Variants in PRKD2 observed in about 807,000 individuals in gnomAD.
PRKD2 encodes the protein serine/threonine-protein kinase D2.
Under a neutral mutation model 86.0 loss-of-function variants are expected in PRKD2, and 22 were observed. That is an observed-to-expected ratio of 0.26 (90% confidence interval 0.18 to 0.37). The LOEUF (loss-of-function observed/expected upper bound fraction) is 0.37, where lower values mean the gene tolerates loss of function less well. Among genes scored for constraint, PRKD2 ranks in the 10% least tolerant of loss-of-function variants. The probability of loss-of-function intolerance (pLI) is 1.00; values close to 1 mark genes in which losing one functional copy is unlikely to be tolerated. For missense variants in PRKD2, 818 were observed against 1,199.2 expected (o/e 0.68, Z 4.70); for synonymous variants, 509 against 510.9 (o/e 1.00, Z 0.05).
chr19:46,705,676 A>G (rs2053704247), intron 3 of PRKD2, among the ~76,000 whole-genome samples: 1 of 151,734 alleles, frequency 6.6e-6, no homozygotes, highest in South Asian at 2.1e-4. Context: ...AATCCCAGCT[A>G]CTCCGGAGGC....
chr19:46,697,084 G>C, intron 9 of PRKD2, 73 bp downstream of exon 9: 1 of 1,188,814 alleles, frequency 8.4e-7, no homozygotes, highest in Non-Finnish European at 1.3e-6. Flanking sequence ...GAGTAACTGG[G>C]GGTAGGAGGA....
Position 46,693,463 on chromosome 19 carries a change from T to C in PRKD2, c.1576+412A>G, listed in dbSNP as rs1177177536. On this transcript the variant is annotated intron_variant, in intron 10 of 17. Transcript: ENST00000291281. This position sits in a 1 kb window ranked among gnomAD's most constrained non-coding sequence, Gnocchi z 4.5. ...TTTGTTGTTGTTGTTTTTTCTGTTT[T>C]GGAGACAGAGTCTTGCTCTGTCACC... Among the ~76,000 whole-genome samples, 1 of 152,180 alleles carries C rather than the reference T, an allele frequency of 6.6e-6. No individual in the cohort carries two copies. The highest frequency in any genetic ancestry group is 1.9e-4 in the East Asian group (1 of 5,194).
intron 3 of PRKD2, 122 bp downstream of exon 3, chr19:46,710,785 C>T (rs2053794427): frequency 9.1e-7 from 1 of 1,102,574 alleles, no homozygotes; most frequent in Non-Finnish European, 1.3e-6. Flanking sequence ...ACTTCCTAGG[C>T]TGCGCCCCCA....
Position 46,716,762 on chromosome 19 carries a change from T to G in PRKD2, c.-392A>C. 1 of 158,426 alleles carries G rather than the reference T, an allele frequency of 6.3e-6. No individual in the cohort carries two copies. The highest frequency in any genetic ancestry group is 1.4e-5 in the Non-Finnish European group (1 of 72,724). The allele number at this position is 158,426 out of a possible 1,614,324, so 9.8% of individuals were successfully genotyped here. A position where few individuals can be genotyped will look rare whatever the true frequency, so the allele number is the denominator to read the frequency against. On this transcript the variant is annotated 5_prime_UTR_variant, in exon 1 of 18. Coordinates refer to ENST00000291281, the MANE Select transcript of PRKD2 (RefSeq NM_016457.5). This position sits in a 1 kb window ranked among gnomAD's most constrained non-coding sequence, Gnocchi z 7.9. Reference sequence around the variant, plus strand: ...GAAGGGGGCAGAGGGAATCCCAGGATCCAGTGCTCCAAGAAGAGGATCCCA... The same window carrying G: ...GAAGGGGGCAGAGGGAATCCCAGGAGCCAGTGCTCCAAGAAGAGGATCCCA...
intron 3 of PRKD2, 120 bp from the exon 4 acceptor site, chr19:46,704,769 C>T (rs1341999784): frequency 1.5e-6 from 2 of 1,294,338 alleles, no homozygotes; most frequent in Non-Finnish European, 2.1e-6. Flanking sequence ...CCCCCGCCAG[C>T]ACGATCTCCT....
intron 3 of PRKD2, among the ~76,000 whole-genome samples, chr19:46,706,892 CTTTTTTT>C (rs574385292): frequency 1.5e-5 from 2 of 134,204 alleles, no homozygotes; most frequent in East Asian, 4.3e-4. Flanking sequence ...AACTGGATTT[CTTTTTTT>C]TTTTTTTTTT....
chr19:46,675,128 A>T lies in PRKD2; in HGVS notation c.2339-10T>A. On this transcript the variant is annotated splice_polypyrimidine_tract_variant and intron_variant, in intron 16 of 17. Transcript: ENST00000291281. Reference sequence around the variant, plus strand: ...TTGATGAGGTCAATGGCTGCACAGGAAAGAGAAACAGGTCAAGCCCTACAG... The same window carrying T: ...TTGATGAGGTCAATGGCTGCACAGGTAAGAGAAACAGGTCAAGCCCTACAG... The T allele has an allele frequency of 6.2e-7, 1 of 1,605,742 alleles. No homozygotes were observed. Among genetic ancestry groups the T allele is most frequent in the Non-Finnish European group, 8.5e-7 (1 of 1,175,052 alleles).
chr19:46,678,386 C>A lies in PRKD2; in HGVS notation c.2338+10G>T, dbSNP rs754648498. The A allele has an allele frequency of 1.2e-6, 2 of 1,613,586 alleles. No individual in the cohort carries two copies. Among genetic ancestry groups the A allele is most frequent in the Admixed American group, 1.7e-5 (1 of 59,976 alleles). ...CCCACCCGCCCATGGGGTAGGCGGG[C>A]CCCAGGCACCTCCAGCTGAGATGTG... is the stretch of plus-strand genomic sequence containing the variant. On this transcript the variant is annotated intron_variant, in intron 16 of 17. Coordinates refer to ENST00000291281, the MANE Select transcript of PRKD2 (RefSeq NM_016457.5). This position sits in a 1 kb window ranked among gnomAD's most constrained non-coding sequence, Gnocchi z 5.7.
chr19:46,687,568 T>C (rs1293950242), intron 14 of PRKD2, among the ~76,000 whole-genome samples: 4 of 152,176 alleles, frequency 2.6e-5, no homozygotes, highest in Non-Finnish European at 2.9e-5. Flanking sequence ...TAAAAGGGGA[T>C]TGATAATAAT....
At chr19:46,683,608 C>T (rs2053347914) in intron 14 of PRKD2, among the ~76,000 whole-genome samples, 1 of 151,940 alleles carries the variant, frequency 6.6e-6, no homozygotes, top group Non-Finnish European at 1.5e-5. Context: ...GTCCCAGCTA[C>T]TCGGGAGGCT....
chr19:46,707,849 C>G (rs552239955), intron 3 of PRKD2, among the ~76,000 whole-genome samples: 1 of 152,244 alleles, frequency 6.6e-6, no homozygotes, highest in South Asian at 2.1e-4. Context: ...GTAATCCCAG[C>G]ACTGTGGGAG....
At chr19:46,692,142 C>T (rs573881326) in intron 10 of PRKD2, among the ~76,000 whole-genome samples, 157 bp from the exon 11 acceptor site, 37 of 152,082 alleles carry the variant, frequency 2.4e-4, no homozygotes, top group Non-Finnish European at 5.3e-4. Context: ...CCACTACGAA[C>T]CTCAGTTTCC....
At position 46,697,820 on chromosome 19, in the gene PRKD2, C is replaced by T. The variant is rs1007724427; in HGVS notation, c.1152G>A (p.Val384=). The change falls in exon 8 of 18, where the codon GTG becomes GTA. Residue 384 remains valine, a synonymous_variant. Transcript: ENST00000291281. The part of the protein sequence containing the change: ...SSLGYIPLMR[V]VQSVRHTTRK... ...GCGTCGTGTGTCGCACCGATTGCACCACCCTCATTAGGGGGATGTACCCCA... is the reference window on the plus strand; with the variant it reads ...GCGTCGTGTGTCGCACCGATTGCACTACCCTCATTAGGGGGATGTACCCCA... 1.8e-5 allele frequency: 29 copies of T among 1,613,956 alleles called. No homozygotes were observed. The Admixed American group carries it at 3.7e-4, about 20-fold the overall frequency.
chr19:46,712,285 A>C (rs2053821136), intron 2 of PRKD2, among the ~76,000 whole-genome samples: 1 of 151,076 alleles, frequency 6.6e-6, no homozygotes, highest in South Asian at 2.1e-4. Context: ...TCACACCTGT[A>C]ATCGCAGCAC....
intron 14 of PRKD2, among the ~76,000 whole-genome samples, chr19:46,689,236 C>T (rs2053448230): frequency 6.6e-6 from 1 of 151,592 alleles, no homozygotes; most frequent in South Asian, 2.1e-4. Flanking sequence ...ATTCTCCTGC[C>T]TCAGCCTCCC....
In PRKD2 at chr19:46,675,382, C is replaced by CT. The variant is rs370973213; in HGVS notation, c.2339-265dup. ...CAATTTCCCCATTCCCCTATGTCACCTTTTTTTTTCTTTTTGTCATATACA... is the reference window on the plus strand; with the variant it reads ...CAATTTCCCCATTCCCCTATGTCACCTTTTTTTTTTCTTTTTGTCATATACA... On this transcript the variant is annotated intron_variant, in intron 16 of 17. Coordinates refer to ENST00000291281, the MANE Select transcript of PRKD2 (RefSeq NM_016457.5). Among the ~76,000 whole-genome samples the CT allele has an allele frequency of 2.5e-4, 38 of 151,800 alleles. 2 individuals are homozygous for CT. The highest frequency in any genetic ancestry group is 1.2e-3 in the East Asian group (6 of 5,166).
At chr19:46,704,843 GC>G (rs1377511034) in intron 3 of PRKD2, among the ~76,000 whole-genome samples, 194 bp from the exon 4 acceptor site, 1 of 148,460 alleles carries the variant, frequency 6.7e-6, no homozygotes, top group Non-Finnish European at 1.5e-5. Context: ...TTAGAGTTCT[GC>G]CCCAAGTTCC....
chr19:46,686,003 C>A, intron 14 of PRKD2: 1 of 152,094 alleles, frequency 6.6e-6, no homozygotes. Context: ...GTTTCTGTCC[C>A]CACCCCATAA....
chr19:46,681,583 T>TGCCCCCCCCCCCC, intron 15 of PRKD2, 67 bp downstream of exon 15: 3 of 671,506 alleles, frequency 4.5e-6, no homozygotes, highest in Non-Finnish European at 2.6e-6. Flanking sequence ...ATAATCCCCT[T>TGCCCCCCCCCCCC]CCCCACCCCC....
Sources: gnomAD v4.1 joint callset for allele counts (sites outside exome capture counted in the v4.1 genomes callset) on GRCh38, gnomAD v4.1.1 for gene constraint, Gnocchi (gnomAD v3.1) non-coding constraint, MANE v1.5 for transcripts, NCBI Gene and HGNC (gene_info 2026-07-23, HGNC 2026-07-21) for gene names.